CNTNAP2: variants seen among roughly 807,000 people sequenced by gnomAD.
CNTNAP2 encodes the protein contactin associated protein 2.
Under a neutral mutation model 155.2 loss-of-function variants are expected in CNTNAP2, and 98 were observed. The ratio of observed to expected loss-of-function variants is 0.63; its 90% CI spans 0.54 to 0.75. The LOEUF is 0.75. CNTNAP2 is among the 30% of genes least tolerant of loss of function. The pLI is 0.00. For missense variants in CNTNAP2, 1,727 were observed against 1,688.1 expected (o/e 1.02, Z -0.40); for synonymous variants, 651 against 631.2 (o/e 1.03, Z -0.47).
chr7:146,934,335 A>T (rs923617853), intron 3 of CNTNAP2, among the ~76,000 whole-genome samples: 2 of 151,766 alleles, frequency 1.3e-5, no homozygotes, highest in African/African-American at 4.8e-5. Flanking sequence ...GTAAACTATT[A>T]CAAGAACAAA....
At chr7:147,606,803 A>G (rs1801075107) in intron 12 of CNTNAP2, among the ~76,000 whole-genome samples, 1 of 152,008 alleles carries the variant, frequency 6.6e-6, no homozygotes, top group Non-Finnish European at 1.5e-5. Context: ...AGTGATTGGT[A>G]TTTTCTGACA....
chr7:147,899,624 C>A (rs890619792), intron 13 of CNTNAP2, among the ~76,000 whole-genome samples: 41 of 152,114 alleles, frequency 2.7e-4, no homozygotes, highest in African/African-American at 8.9e-4. Flanking sequence ...TTGGCTCCCA[C>A]CTGTAATCTT....
chr7:147,162,057 C>T (rs1802037237), intron 8 of CNTNAP2: 1 of 152,162 alleles, frequency 6.6e-6, no homozygotes, highest in Non-Finnish European at 1.5e-5. Flanking sequence ...TACCCAGTGT[C>T]TTGTACCCTT....
At chr7:147,425,497 GAC>G (rs1412440625) in intron 10 of CNTNAP2, among the ~76,000 whole-genome samples, 1 of 151,958 alleles carries the variant, frequency 6.6e-6, no homozygotes, top group Non-Finnish European at 1.5e-5. Flanking sequence ...AAAGTGCAGA[GAC>G]AAAATATTCC....
chr7:147,454,295 T>C (rs1159228344), intron 10 of CNTNAP2, among the ~76,000 whole-genome samples: 1 of 152,182 alleles, frequency 6.6e-6, no homozygotes, highest in Non-Finnish European at 1.5e-5. Context: ...TTTTGTTTAT[T>C]TTGCAATAGG....
intron 1 of CNTNAP2, among the ~76,000 whole-genome samples, chr7:146,553,444 A>G (rs1798150410): frequency 6.6e-6 from 1 of 151,934 alleles, no homozygotes; most frequent in South Asian, 2.1e-4. Context: ...GTTTAGTGTT[A>G]GATATATACC....
Position 147,338,295 on chromosome 7 carries a change from A to C in CNTNAP2, c.1498+38005A>C, listed in dbSNP as rs112259083. ...ATGGGATAAACCACCTCTATGATTC[A>C]GCTACCTTGAAATTTTAAAAACTTG... On this transcript the variant is annotated intron_variant, in intron 9 of 23. Coordinates refer to ENST00000361727, the MANE Select transcript of CNTNAP2 (RefSeq NM_014141.6). Among the ~76,000 whole-genome samples, 230 of 152,136 alleles carry C rather than the reference A, an allele frequency of 1.5e-3. 2 individuals carry two copies. Among genetic ancestry groups the C allele is most frequent in the African/African-American group, 5.3e-3 (220 of 41,510 alleles).
rs73158360 is a variant in CNTNAP2, at chr7:147,425,163, G to C, written c.1670+29383G>C. Among the ~76,000 whole-genome samples the C allele has an allele frequency of 6.8e-5, 10 of 147,794 alleles. No individual in the cohort carries two copies. The East Asian group carries it at 2.0e-3, about 29-fold the overall frequency. ...TTTTTTTTTTTTAGAAATTGTTTTC[G>C]TTTTCAGATGATGAGAATAATGCAT... On this transcript the variant is annotated intron_variant, in intron 10 of 23. Coordinates refer to ENST00000361727, the MANE Select transcript of CNTNAP2 (RefSeq NM_014141.6).
At chr7:146,395,026 A>C (rs2129107097) in intron 1 of CNTNAP2, among the ~76,000 whole-genome samples, 1 of 152,280 alleles carries the variant, frequency 6.6e-6, no homozygotes, top group Middle Eastern at 3.4e-3. Flanking sequence ...TCACCTCAAT[A>C]ATGATCTCCA....
At chr7:147,129,494 A>C (rs1293661148) in intron 7 of CNTNAP2, among the ~76,000 whole-genome samples, 1 of 152,168 alleles carries the variant, frequency 6.6e-6, no homozygotes, top group African/African-American at 2.4e-5. Context: ...CTTCCAAACG[A>C]CACTACTCCA....
Position 147,952,560 on chromosome 7 carries a change from T to C in CNTNAP2, c.2256-25302T>C, listed in dbSNP as rs185522056. Among the ~76,000 whole-genome samples, 36 of 152,292 alleles carry C rather than the reference T, an allele frequency of 2.4e-4. 2 individuals are homozygous for C. Among genetic ancestry groups the C allele is most frequent in the Middle Eastern group, 6.8e-3 (2 of 294 alleles). On this transcript the variant is annotated intron_variant, in intron 14 of 23. Transcript: ENST00000361727. ...TAAGTAATTAAATGTACGCCTATCA[T>C]AATGTATTCCTCCTGGTACTTAACT...
chr7:146,993,300 T>G (rs1434389289), intron 3 of CNTNAP2, among the ~76,000 whole-genome samples: 1 of 152,126 alleles, frequency 6.6e-6, no homozygotes, highest in Non-Finnish European at 1.5e-5. Flanking sequence ...CTGCTGGCAC[T>G]TGGGAGGTGA....
At chr7:147,610,080 G>T (rs1421417835) in intron 12 of CNTNAP2, among the ~76,000 whole-genome samples, 2 of 152,104 alleles carry the variant, frequency 1.3e-5, no homozygotes, top group African/African-American at 4.8e-5. Flanking sequence ...ATTTACTATA[G>T]TTGCCTTTAT....
chr7:146,221,354 A>G (rs1799205693), intron 1 of CNTNAP2, among the ~76,000 whole-genome samples: 1 of 151,426 alleles, frequency 6.6e-6, no homozygotes, highest in Admixed American at 6.6e-5. Flanking sequence ...ATACGTATAA[A>G]TATACGTTTA....
chr7:146,899,518 G>A (rs78257684), intron 3 of CNTNAP2, among the ~76,000 whole-genome samples: 5,510 of 152,064 alleles, frequency 0.036, 116 homozygotes, highest in Middle Eastern at 0.085. Flanking sequence ...TGTATTTTGT[G>A]CCCTTTGTTT....
intron 17 of CNTNAP2, among the ~76,000 whole-genome samples, chr7:148,166,834 T>C (rs1027003458): frequency 6.6e-6 from 1 of 152,228 alleles, no homozygotes; most frequent in South Asian, 2.1e-4. Flanking sequence ...TAATTTAAAC[T>C]TATGACGTTT....
In CNTNAP2 at chr7:146,545,945, A is replaced by G. The variant is rs189384428; in HGVS notation, c.98-228326A>G. Among the ~76,000 whole-genome samples the G allele has an allele frequency of 2.0e-5, 3 of 152,106 alleles. No individual in the cohort carries two copies. In the East Asian group the frequency reaches 5.8e-4, roughly 30 times the overall value. On this transcript the variant is annotated intron_variant, in intron 1 of 23. Coordinates refer to ENST00000361727, the MANE Select transcript of CNTNAP2 (RefSeq NM_014141.6). The stretch of plus-strand genomic sequence containing the variant: ...TATGGTAATATTGGTAAACAAATAT[A>G]GCAAATAGATTTTAAAAATGAAAAC...
intron 8 of CNTNAP2, among the ~76,000 whole-genome samples, chr7:147,171,117 G>A (rs912455782): frequency 2.6e-5 from 4 of 152,124 alleles, no homozygotes; most frequent in African/African-American, 9.7e-5. Context: ...GGGGTTCCCT[G>A]CAGCTAGGAT....
chr7:146,545,040 A>G (rs959992208), intron 1 of CNTNAP2, among the ~76,000 whole-genome samples: 2 of 151,952 alleles, frequency 1.3e-5, no homozygotes, highest in Non-Finnish European at 2.9e-5. Context: ...ATAAATGGAT[A>G]GCTCACCAAT....
Sources: allele counts gnomAD v4.1 joint callset (sites outside exome capture counted in the v4.1 genomes callset), GRCh38; gene constraint gnomAD v4.1.1; transcripts MANE v1.5; gene names NCBI Gene and HGNC (gene_info 2026-07-23, HGNC 2026-07-21).